The following CTBS variants were observed in gnomAD, a reference collection of about 807,000 sequenced individuals.
CTBS encodes chitobiase, also known as di-N-acetylchitobiase.
CTBS carries 35 observed loss-of-function variants against 44.3 expected under a neutral mutation model. The ratio of observed to expected loss-of-function variants is 0.79; its 90% confidence interval spans 0.60 to 1.05. The LOEUF is 1.05. Ranked by LOEUF, CTBS falls within the 50% of genes least tolerant of loss-of-function variation. The probability of loss-of-function intolerance (pLI) is 0.00; values close to 1 mark genes in which losing one functional copy is unlikely to be tolerated. For missense variants in CTBS, 458 were observed against 475.3 expected (o/e 0.96, Z 0.34); for synonymous variants, 143 against 168.0 (o/e 0.85, Z 1.15).
chr1:84,551,984 G>A lies in CTBS; in HGVS notation c.*3015C>T, dbSNP rs1341185963. ...TCACTCATGGTTTGAACTCAAATTA[G>A]AATTGTTCATACAAAAACAGTAAGG... On this transcript the variant is annotated 3_prime_UTR_variant, in exon 7 of 7. Transcript: ENST00000370630. 1 of 151,886 alleles carries A rather than the reference G, an allele frequency of 6.6e-6. No homozygotes were observed. Among genetic ancestry groups the A allele is most frequent in the Non-Finnish European group, 1.5e-5 (1 of 67,966 alleles). 9.4% of individuals were successfully genotyped at this position (151,886 alleles called of 1,614,324 possible). A position where few individuals can be genotyped will look rare whatever the true frequency, so the allele number is the denominator to read the frequency against.
intron 6 of CTBS, among the ~76,000 whole-genome samples, chr1:84,562,406 C>T (rs1224627278): frequency 6.6e-6 from 1 of 152,166 alleles, no homozygotes; most frequent in African/African-American, 2.4e-5. Context: ...TCTGTGGAGG[C>T]ATACACATGT....
chr1:84,562,356 C>G (rs924133477), intron 6 of CTBS, among the ~76,000 whole-genome samples: 1 of 151,776 alleles, frequency 6.6e-6, no homozygotes, highest in Non-Finnish European at 1.5e-5. Context: ...TAGGTATATA[C>G]TTTCAGTTCC....
Position 84,551,348 on chromosome 1 carries a change from T to C in CTBS, c.*3651A>G. On this transcript the variant is annotated 3_prime_UTR_variant, in exon 7 of 7. Transcript: ENST00000370630. Reference sequence around the variant, plus strand: ...AAAAGAAAAAAGAAAATCAGTACTGTCCTCGGTTTCAGATAAAAATAAAAA... The same window carrying C: ...AAAAGAAAAAAGAAAATCAGTACTGCCCTCGGTTTCAGATAAAAATAAAAA... 2.4e-6 allele frequency: 2 copies of C among 821,922 alleles called. No individual in the cohort carries two copies. Among genetic ancestry groups the C allele is most frequent in the South Asian group, 5.6e-5 (1 of 17,782 alleles). 50.9% of individuals were successfully genotyped at this position (821,922 alleles called of 1,614,324 possible). A position where few individuals can be genotyped will look rare whatever the true frequency, so the allele number is the denominator to read the frequency against.
chr1:84,566,895 A>G (rs1033000146), intron 3 of CTBS, among the ~76,000 whole-genome samples: 1 of 152,182 alleles, frequency 6.6e-6, no homozygotes, highest in Non-Finnish European at 1.5e-5. Context: ...TCAGCCTCCC[A>G]AAGTGCTTAC....
chr1:84,570,479 A>G (rs1647271068), intron 2 of CTBS, 103 bp downstream of exon 2: 2 of 940,420 alleles, frequency 2.1e-6, no homozygotes. Context: ...ATCCTAACAA[A>G]AACAGATAAA....
chr1:84,557,226 AT>A (rs1369928034), intron 6 of CTBS, among the ~76,000 whole-genome samples: 1 of 152,180 alleles, frequency 6.6e-6, no homozygotes, highest in African/African-American at 2.4e-5. Flanking sequence ...TTGCTACAGA[AT>A]TTTGCAATTA....
chr1:84,559,238 ATATC>A (rs1368319822), intron 6 of CTBS, among the ~76,000 whole-genome samples: 1 of 152,144 alleles, frequency 6.6e-6, no homozygotes, highest in Non-Finnish European at 1.5e-5. Context: ...TATTATTATT[ATATC>A]TGTTATGATG....
chr1:84,562,618 C>G (rs1006600271), intron 6 of CTBS, among the ~76,000 whole-genome samples: 3 of 151,984 alleles, frequency 2.0e-5, no homozygotes, highest in African/African-American at 7.3e-5. Flanking sequence ...CTTTATAATG[C>G]TAAAGGTAAA....
At chr1:84,563,214 A>C (rs923734100) in intron 6 of CTBS, 43 bp downstream of exon 6, 1 of 1,282,310 alleles carries the variant, frequency 7.8e-7, no homozygotes, top group Non-Finnish European at 1.0e-6. Context: ...AATAATTACA[A>C]AAACTAATAG....
In CTBS at chr1:84,574,313, GCCGCAGCGC is replaced by G. The variant is rs2102034643; in HGVS notation, c.94_102del (p.Ala32_Arg34del). On this transcript the variant is annotated inframe_deletion, in exon 1 of 7. Transcript: ENST00000370630. The stretch of plus-strand genomic sequence containing the variant: ...CATGGGCAGTCGGTCCCGGCCGCGA[GCCGCAGCGC>G]CAGCAGCGCCAGCAGCGCCAGCAGC... 1 of 1,550,452 alleles carries G rather than the reference GCCGCAGCGC, an allele frequency of 6.4e-7. No homozygotes were observed. The highest frequency in any genetic ancestry group is 8.7e-7 in the Non-Finnish European group (1 of 1,155,252).
In CTBS at chr1:84,553,088, G is replaced by GAAA; in HGVS notation, c.*1908_*1910dup. 3 of 1,397,928 alleles carry GAAA rather than the reference G, an allele frequency of 2.1e-6. No homozygotes were observed. The highest frequency in any genetic ancestry group is 1.4e-5 in the South Asian group (1 of 69,244). 86.6% of individuals were successfully genotyped at this position (1,397,928 alleles called of 1,614,324 possible). A position where few individuals can be genotyped will look rare whatever the true frequency, so the allele number is the denominator to read the frequency against. On this transcript the variant is annotated 3_prime_UTR_variant, in exon 7 of 7. Coordinates refer to ENST00000370630, the MANE Select transcript of CTBS (RefSeq NM_004388.3). ...GAACATTGAAAACTGAACTGGCACA[G>GAAA]AAAAAAAAAATAATACATCTCTACA...
At chr1:84,562,194 T>C (rs756301021) in intron 6 of CTBS, among the ~76,000 whole-genome samples, 1 of 152,216 alleles carries the variant, frequency 6.6e-6, no homozygotes, top group Non-Finnish European at 1.5e-5. Flanking sequence ...GTACAGTATA[T>C]AGTGTTTTTC....
Position 84,553,088 on chromosome 1 carries a change from GAAA to G in CTBS, c.*1908_*1910del. On this transcript the variant is annotated 3_prime_UTR_variant, in exon 7 of 7. Coordinates refer to ENST00000370630, the MANE Select transcript of CTBS (RefSeq NM_004388.3). ...GAACATTGAAAACTGAACTGGCACAGAAAAAAAAAATAATACATCTCTACAATC... is the reference window on the plus strand; with the variant it reads ...GAACATTGAAAACTGAACTGGCACAGAAAAAAATAATACATCTCTACAATC... The G allele has an allele frequency of 7.2e-7, 1 of 1,397,894 alleles. No individual in the cohort carries two copies. Among genetic ancestry groups the G allele is most frequent in the Non-Finnish European group, 9.5e-7 (1 of 1,048,778 alleles). The allele number at this position is 1,397,894 out of a possible 1,614,324, so 86.6% of individuals were successfully genotyped here.
rs1201464606 is a variant in CTBS, at chr1:84,574,378, G to C, written c.38C>G (p.Ser13Cys). The C allele has an allele frequency of 2.6e-6, 4 of 1,564,030 alleles. No homozygotes were observed. Among genetic ancestry groups the C allele is most frequent in the Non-Finnish European group, 3.5e-6 (4 of 1,155,452 alleles). ...ACCCGGGACGCCGCTCGGCGGGCTAGAGACGAGGCGCCAGCGTCGAAGCTG... is the reference window on the plus strand; with the variant it reads ...ACCCGGGACGCCGCTCGGCGGGCTACAGACGAGGCGCCAGCGTCGAAGCTG... ...RPQLRRWRLV[S>C]SPPSGVPGLA... The change falls in exon 1 of 7, where the codon TCT (serine) becomes TGT (cysteine). Residue 13 changes from serine (S) to cysteine (C), a missense_variant. Coordinates refer to ENST00000370630, the MANE Select transcript of CTBS (RefSeq NM_004388.3).
intron 6 of CTBS, 33 bp from the exon 7 acceptor site, chr1:84,555,232 G>C (rs779324470): frequency 6.6e-7 from 1 of 1,512,574 alleles, no homozygotes; most frequent in Non-Finnish European, 9.1e-7. Flanking sequence ...AGATTTTAAA[G>C]TATTTAGTAC....
In CTBS at chr1:84,574,380, G is replaced by A. The variant is rs771709818; in HGVS notation, c.36C>T (p.Val12=). 1 of 1,564,008 alleles carries A rather than the reference G, an allele frequency of 6.4e-7. No individual in the cohort carries two copies. Among genetic ancestry groups the A allele is most frequent in the South Asian group, 1.2e-5 (1 of 85,932 alleles). The change falls in exon 1 of 7, where the codon GTC becomes GTT. Residue 12 remains valine, a synonymous_variant. Transcript: ENST00000370630. ...SRPQLRRWRL[V]SSPPSGVPGL... is the part of the protein sequence containing the mutation. ...CCGGGACGCCGCTCGGCGGGCTAGAGACGAGGCGCCAGCGTCGAAGCTGCG... is the reference window on the plus strand; with the variant it reads ...CCGGGACGCCGCTCGGCGGGCTAGAAACGAGGCGCCAGCGTCGAAGCTGCG...
At position 84,574,372 on chromosome 1, in the gene CTBS, G is replaced by T; in HGVS notation, c.44C>A (p.Pro15Gln). The T allele has an allele frequency of 1.3e-6, 2 of 1,565,956 alleles. No homozygotes were observed. The highest frequency in any genetic ancestry group is 2.4e-5 in the East Asian group (1 of 42,206). ...QLRRWRLVSS[P>Q]PSGVPGLALL... ...CGCTAGACCCGGGACGCCGCTCGGC[G>T]GGCTAGAGACGAGGCGCCAGCGTCG... The change falls in exon 1 of 7, where the codon CCG becomes CAG. Residue 15 changes from proline to glutamine, a missense_variant. Pro to Gln is a moderately conservative substitution (Grantham distance 76). Transcript: ENST00000370630.
At chr1:84,563,519 T>C (rs754096448) in intron 5 of CTBS, 101 bp from the exon 6 acceptor site, 72 of 873,122 alleles carry the variant, frequency 8.2e-5, no homozygotes, top group Non-Finnish European at 1.1e-4. Context: ...ACATATACCA[T>C]AGAAAACCTG....
At chr1:84,558,162 A>G (rs1684503266) in intron 6 of CTBS, among the ~76,000 whole-genome samples, 1 of 152,368 alleles carries the variant, frequency 6.6e-6, no homozygotes, top group East Asian at 1.9e-4. Context: ...AAGTGTTCTT[A>G]CCATTTAAAA....
Sources: allele counts gnomAD v4.1 joint callset (sites outside exome capture counted in the v4.1 genomes callset), GRCh38; gene constraint gnomAD v4.1.1; transcripts MANE v1.5; gene names NCBI Gene and HGNC (gene_info 2026-07-23, HGNC 2026-07-21).